NOS1: variants seen among roughly 807,000 people sequenced by gnomAD.
NOS1 encodes the protein nitric oxide synthase 1.
A neutral mutation model predicts 164.5 loss-of-function variants in NOS1; 51 were observed. The observed-to-expected ratio is 0.31, with a 90% CI of 0.25 to 0.39. The LOEUF is 0.39. NOS1 is among the 10% of genes least tolerant of loss of function. The pLI, the probability that NOS1 is intolerant of heterozygous loss-of-function variation, is 1.00. For synonymous variants in NOS1, 719 were observed against 745.8 expected (o/e 0.96, Z 0.59); for missense variants, 1,362 against 1,885.6 (o/e 0.72, Z 5.14).
intron 3 of NOS1, among the ~76,000 whole-genome samples, chr12:117,290,810 G>T (rs1198285211): frequency 6.6e-6 from 1 of 152,096 alleles, no homozygotes; most frequent in East Asian, 1.9e-4. Context: ...CCCCAGCACC[G>T]AGGAATCAAA....
At chr12:117,305,267 C>T (rs1207449909) in intron 3 of NOS1, among the ~76,000 whole-genome samples, 2 of 152,044 alleles carry the variant, frequency 1.3e-5, no homozygotes, top group South Asian at 4.1e-4. Flanking sequence ...TCGAGACCAT[C>T]CTTGCTAACA....
intron 1 of NOS1, among the ~76,000 whole-genome samples, chr12:117,357,825 T>C (rs1876924395): frequency 6.6e-6 from 1 of 152,226 alleles, no homozygotes; most frequent in Non-Finnish European, 1.5e-5. Flanking sequence ...TGTTATCATA[T>C]ATTAGAACGA....
At chr12:117,226,806 T>G in intron 23 of NOS1, 36 bp from the exon 24 acceptor site, 2 of 1,560,402 alleles carry the variant, frequency 1.3e-6, no homozygotes, top group Non-Finnish European at 1.8e-6. Context: ...GGCCACCCAC[T>G]GCTCCCGAGC....
Position 117,234,539 on chromosome 12 carries a change from C to A in NOS1, c.3235+26G>T. The stretch of plus-strand genomic sequence containing the variant: ...CCACTGCCTCTGCAGCTCCCTAGAG[C>A]AGGGAAGGGTCCCCGGGAATGTTAC... On this transcript the variant is annotated intron_variant, in intron 21 of 28. Transcript: ENST00000317775. The surrounding 1 kb of genome is among the most constrained non-coding windows in gnomAD (Gnocchi z 4.3). 1.3e-6 allele frequency: 2 copies of A among 1,598,836 alleles called. No individual in the cohort carries two copies. The highest frequency in any genetic ancestry group is 1.7e-6 in the Non-Finnish European group (2 of 1,168,806).
chr12:117,215,203 C>T lies in NOS1; in HGVS notation c.*106G>A. 1.5e-6 allele frequency: 2 copies of T among 1,356,958 alleles called. No homozygotes were observed. The highest frequency in any genetic ancestry group is 1.9e-6 in the Non-Finnish European group (2 of 1,044,158). 84.1% of individuals were successfully genotyped at this position (1,356,958 alleles called of 1,614,324 possible). On this transcript the variant is annotated 3_prime_UTR_variant, in exon 29 of 29. Transcript: ENST00000317775. ...GAGGAGGGAAACCAGGGCACAGCGA[C>T]AAGGACAGGAGGCAGAGCGAGGGCC... is the stretch of plus-strand genomic sequence containing the variant.
intron 1 of NOS1, among the ~76,000 whole-genome samples, chr12:117,353,637 G>A (rs1002242438): frequency 3.3e-5 from 5 of 152,188 alleles, no homozygotes; most frequent in Admixed American, 2.6e-4. Context: ...AGGTGTCAAG[G>A]GTTCTTGCGA....
chr12:117,211,356 C>T lies in NOS1; in HGVS notation c.*3953G>A, dbSNP rs953234918. On this transcript the variant is annotated 3_prime_UTR_variant, in exon 29 of 29. Coordinates refer to ENST00000317775, the MANE Select transcript of NOS1 (RefSeq NM_000620.5). ...CCTGGAGTCTCTTTATCACTACATC[C>T]GCCTCTTCCCTCACTCAAGCCTTGG... The T allele has an allele frequency of 1.1e-4, 110 of 985,404 alleles. No individual in the cohort carries two copies. In the Admixed American group the frequency reaches 1.9e-3, roughly 17 times the overall value. 61.0% of individuals were successfully genotyped at this position (985,404 alleles called of 1,614,324 possible). A position where few individuals can be genotyped will look rare whatever the true frequency, so the allele number is the denominator to read the frequency against.
chr12:117,223,056 TACACACAC>T (rs1868362467), intron 25 of NOS1, among the ~76,000 whole-genome samples, 193 bp from the exon 26 acceptor site: 1 of 152,046 alleles, frequency 6.6e-6, no homozygotes, highest in South Asian at 2.1e-4. Flanking sequence ...TGCACACACA[TACACACAC>T]ATACATATGC....
Position 117,214,599 on chromosome 12 carries a change from C to T in NOS1, c.*710G>A, listed in dbSNP as rs756715422. The T allele has an allele frequency of 1.0e-6, 1 of 985,212 alleles. No individual in the cohort carries two copies. Among genetic ancestry groups the T allele is most frequent in the African/African-American group, 1.7e-5 (1 of 57,178 alleles). 61.0% of individuals were successfully genotyped at this position (985,212 alleles called of 1,614,324 possible). A position where few individuals can be genotyped will look rare whatever the true frequency, so the allele number is the denominator to read the frequency against. On this transcript the variant is annotated 3_prime_UTR_variant, in exon 29 of 29. Coordinates refer to ENST00000317775, the MANE Select transcript of NOS1 (RefSeq NM_000620.5). ...AATGCCTCTTTCATTGGGAGACAGC[C>T]CCTTTAATCAATTTCCCACTCCTCT...
At chr12:117,270,135 T>A (rs989507398) in intron 10 of NOS1, among the ~76,000 whole-genome samples, 14 of 152,226 alleles carry the variant, frequency 9.2e-5, no homozygotes, top group Non-Finnish European at 2.1e-4. Flanking sequence ...GGAGCTGGTG[T>A]CAGGAGCAGG....
intron 2 of NOS1, among the ~76,000 whole-genome samples, chr12:117,312,689 C>T (rs11834656): frequency 6.6e-6 from 1 of 152,072 alleles, no homozygotes; most frequent in African/African-American, 2.4e-5. Flanking sequence ...TCCTGAAGTG[C>T]TGAGATTACA....
chr12:117,217,526 G>A (rs1412596550), intron 28 of NOS1, among the ~76,000 whole-genome samples: 1 of 152,078 alleles, frequency 6.6e-6, no homozygotes, highest in Non-Finnish European at 1.5e-5. Context: ...CCAACATGGC[G>A]AAACCCCGTC....
At chr12:117,313,842 C>T (rs1874550332) in intron 2 of NOS1, among the ~76,000 whole-genome samples, 2 of 152,242 alleles carry the variant, frequency 1.3e-5, no homozygotes, top group African/African-American at 4.8e-5. Flanking sequence ...TCCAATTTGA[C>T]TCTGACCATG....
chr12:117,309,950 G>A (rs985340334), intron 3 of NOS1, among the ~76,000 whole-genome samples: 2 of 152,168 alleles, frequency 1.3e-5, no homozygotes, highest in African/African-American at 4.8e-5. Flanking sequence ...CCAGGCTAGA[G>A]TGCAGTGGTG....
rs1330320180 is a variant in NOS1 at position 117,356,751 on chromosome 12, G to A, written c.-421+4761C>T. On this transcript the variant is annotated intron_variant, in intron 1 of 28. Coordinates refer to ENST00000317775, the MANE Select transcript of NOS1 (RefSeq NM_000620.5). This position sits in a 1 kb window ranked among gnomAD's most constrained non-coding sequence, Gnocchi z 4.2. ...CCCTGTTAACCATACTTGAATTAGA[G>A]ACTTAGGGGCACTTTCTGTTGACAC... 6.6e-6 allele frequency among the ~76,000 whole-genome samples: 1 copy of A among 152,184 alleles called. No homozygotes were observed. The highest frequency in any genetic ancestry group is 1.5e-5 in the Non-Finnish European group (1 of 68,038).
At chr12:117,237,022 G>C (rs1869771536) in intron 20 of NOS1, among the ~76,000 whole-genome samples, 1 of 152,212 alleles carries the variant, frequency 6.6e-6, no homozygotes, top group Admixed American at 6.5e-5. Flanking sequence ...GGGGCCCCAG[G>C]GCACCTTGGT....
At chr12:117,222,928 G>C in intron 25 of NOS1, 65 bp from the exon 26 acceptor site, 1 of 1,563,150 alleles carries the variant, frequency 6.4e-7, no homozygotes, top group Non-Finnish European at 8.7e-7. Flanking sequence ...TGGCTGAGGT[G>C]CCAGGGATGG....
At chr12:117,279,634 A>T (rs922006795) in intron 8 of NOS1, among the ~76,000 whole-genome samples, 1 of 152,236 alleles carries the variant, frequency 6.6e-6, no homozygotes, top group Non-Finnish European at 1.5e-5. Flanking sequence ...ATCATGGAAC[A>T]GGAGAACATG....
At chr12:117,221,818 ATTTTTT>A (rs3070338) in intron 26 of NOS1, among the ~76,000 whole-genome samples, 27 of 111,554 alleles carry the variant, frequency 2.4e-4, no homozygotes, top group East Asian at 7.8e-4. Context: ...GCTAACTTAA[ATTTTTT>A]TTTTTTTTTT....
Sources: gnomAD v4.1 joint callset for allele counts (sites outside exome capture counted in the v4.1 genomes callset) on GRCh38, gnomAD v4.1.1 for gene constraint, Gnocchi (gnomAD v3.1) non-coding constraint, MANE v1.5 for transcripts, NCBI Gene and HGNC (gene_info 2026-07-23, HGNC 2026-07-21) for gene names.